Variants in OSBPL10 observed in about 807,000 individuals in gnomAD.
OSBPL10 encodes oxysterol binding protein like 10, also known as oxysterol-binding protein-related protein 10.
In OSBPL10, 49 loss-of-function variants were observed where a neutral mutation model predicts 81.7. The observed-to-expected ratio is 0.60, with a 90% CI of 0.48 to 0.76. The LOEUF (loss-of-function observed/expected upper bound fraction) is 0.76. Among genes scored for constraint, OSBPL10 ranks in the 30% least tolerant of loss-of-function variants. OSBPL10 has a pLI of 0.00. For missense variants in OSBPL10, 923 were observed against 987.8 expected (o/e 0.93, Z 0.88); for synonymous variants, 419 against 383.6 (o/e 1.09, Z -1.08).
intron 1 of OSBPL10, among the ~76,000 whole-genome samples, chr3:32,050,925 G>T (rs1699665305): frequency 6.6e-6 from 1 of 152,102 alleles, no homozygotes; most frequent in Admixed American, 6.6e-5. Flanking sequence ...CTCCCAAAGT[G>T]CTGGGATGAC....
chr3:31,755,964 G>A (rs772964727), intron 4 of OSBPL10, among the ~76,000 whole-genome samples: 4 of 152,084 alleles, frequency 2.6e-5, no homozygotes, highest in Non-Finnish European at 4.4e-5. Flanking sequence ...ACTCCCAATA[G>A]TAACACCACA....
intron 2 of OSBPL10, among the ~76,000 whole-genome samples, chr3:31,877,816 G>A (rs1015148344): frequency 2.6e-5 from 4 of 152,182 alleles, no homozygotes; most frequent in Non-Finnish European, 2.9e-5. Flanking sequence ...TGTACCAGGT[G>A]TAATGAACTT....
chr3:32,004,581 C>T (rs755014023), intron 2 of OSBPL10, among the ~76,000 whole-genome samples: 79 of 152,146 alleles, frequency 5.2e-4, no homozygotes, highest in Non-Finnish European at 9.0e-4. Context: ...TCACATTCTT[C>T]GGTTCCTCTG....
intron 3 of OSBPL10, among the ~76,000 whole-genome samples, chr3:31,841,489 T>C (rs2125555620): frequency 6.6e-6 from 1 of 152,312 alleles, no homozygotes; most frequent in East Asian, 1.9e-4. Flanking sequence ...GCAGAAAGTG[T>C]GTGGATGGAG....
chr3:31,776,219 G>A (rs1315652283), intron 4 of OSBPL10, among the ~76,000 whole-genome samples: 1 of 152,102 alleles, frequency 6.6e-6, no homozygotes, highest in African/African-American at 2.4e-5. Context: ...CGAAAAAAAT[G>A]CCCAACATCA....
At chr3:31,969,025 A>T (rs1304363727) in intron 1 of OSBPL10, among the ~76,000 whole-genome samples, 2 of 152,224 alleles carry the variant, frequency 1.3e-5, no homozygotes, top group Non-Finnish European at 2.9e-5. Context: ...CCACTAAATG[A>T]GTCTGCTGCA....
intron 5 of OSBPL10, among the ~76,000 whole-genome samples, chr3:31,738,543 G>A (rs753466477): frequency 6.6e-6 from 1 of 152,178 alleles, no homozygotes; most frequent in East Asian, 1.9e-4. Flanking sequence ...TCTTTCCCCG[G>A]TAAGAATGGC....
chr3:31,840,894 G>C (rs537126112), intron 3 of OSBPL10, among the ~76,000 whole-genome samples: 20 of 151,728 alleles, frequency 1.3e-4, no homozygotes, highest in African/African-American at 3.2e-4. Context: ...TAGGCTTCTT[G>C]TTGTTGTTGT....
intron 3 of OSBPL10, among the ~76,000 whole-genome samples, chr3:31,847,209 T>A (rs5027701): frequency 0.42 from 38,129 of 91,130 alleles, 4,952 homozygotes; most frequent in Middle Eastern, 0.56. Flanking sequence ...TTTTTTTTTT[T>A]TTAAAAAGAC....
chr3:31,753,217 A>G (rs1289608208), intron 4 of OSBPL10, among the ~76,000 whole-genome samples: 2 of 147,246 alleles, frequency 1.4e-5, no homozygotes, highest in Non-Finnish European at 3.0e-5. Context: ...ACAGAGTTTC[A>G]ATCTTTATTG....
At chr3:31,933,733 T>G (rs945204424) in intron 1 of OSBPL10, among the ~76,000 whole-genome samples, 5 of 152,088 alleles carry the variant, frequency 3.3e-5, no homozygotes, top group African/African-American at 1.2e-4. Context: ...TATCAGCTAA[T>G]TGAGAAATAC....
chr3:31,980,329 T>C (rs1698798047), intron 1 of OSBPL10, among the ~76,000 whole-genome samples: 1 of 152,158 alleles, frequency 6.6e-6, no homozygotes, highest in African/African-American at 2.4e-5. Context: ...AAAACTTCCA[T>C]TACAAACATC....
intron 4 of OSBPL10, among the ~76,000 whole-genome samples, chr3:31,824,230 C>G (rs1700048333): frequency 6.6e-6 from 1 of 152,022 alleles, no homozygotes; most frequent in East Asian, 1.9e-4. Flanking sequence ...GAAGTGTTGA[C>G]AGCTTGAACA....
At chr3:32,046,158 T>G (rs1458062106) in intron 2 of OSBPL10, among the ~76,000 whole-genome samples, 3 of 152,246 alleles carry the variant, frequency 2.0e-5, no homozygotes, top group Non-Finnish European at 4.4e-5. Flanking sequence ...GGAGGGAGGA[T>G]CAGGAGTTCA....
At chr3:31,990,529 T>A in intron 2 of OSBPL10, 1 of 1,612,862 alleles carries the variant, frequency 6.2e-7, no homozygotes, top group Non-Finnish European at 8.5e-7. Flanking sequence ...ACCTTACAAG[T>A]GTAATGAGTG....
At chr3:31,881,665 T>C (rs922918867) in intron 1 of OSBPL10, among the ~76,000 whole-genome samples, 2 of 152,214 alleles carry the variant, frequency 1.3e-5, no homozygotes, top group South Asian at 4.1e-4. Context: ...TTTAAGAAAC[T>C]AAAATATTTT....
At chr3:32,005,399 A>C (rs1386314397) in intron 2 of OSBPL10, among the ~76,000 whole-genome samples, 1 of 152,026 alleles carries the variant, frequency 6.6e-6, no homozygotes, top group East Asian at 1.9e-4. Context: ...CTACCACATT[A>C]ATCTGGAGAT....
At chr3:31,785,012 G>A (rs986537569) in intron 4 of OSBPL10, among the ~76,000 whole-genome samples, 3 of 152,052 alleles carry the variant, frequency 2.0e-5, no homozygotes, top group Admixed American at 6.6e-5. Flanking sequence ...AGCCTCCTGA[G>A]TAGCTGGAAT....
chr3:31,952,598 G>GTCCTTCT (rs1697900151), intron 1 of OSBPL10, among the ~76,000 whole-genome samples: 1 of 152,170 alleles, frequency 6.6e-6, no homozygotes, highest in Admixed American at 6.5e-5. Flanking sequence ...TGAATGAAGG[G>GTCCTTCT]ATGATCATAC....
Sources: allele counts gnomAD v4.1 joint callset (sites outside exome capture counted in the v4.1 genomes callset), GRCh38; gene constraint gnomAD v4.1.1; transcripts MANE v1.5; gene names NCBI Gene and HGNC (gene_info 2026-07-23, HGNC 2026-07-21).